Variants in ST8SIA2 observed in about 807,000 individuals in gnomAD.
The protein encoded by ST8SIA2 is ST8 alpha-N-acetyl-neuraminide alpha-2,8-sialyltransferase 2.
ST8SIA2 carries 22 observed loss-of-function variants against 37.6 expected under a neutral mutation model. The ratio of observed to expected loss-of-function variants is 0.58; its 90% CI spans 0.42 to 0.83. ST8SIA2 has a LOEUF of 0.83. Among genes scored for constraint, ST8SIA2 ranks in the 40% least tolerant of loss-of-function variants. The pLI is 0.00. For synonymous variants in ST8SIA2, 205 were observed against 201.2 expected (o/e 1.02, Z -0.16); for missense variants, 382 against 484.7 (o/e 0.79, Z 1.99).
chr15:92,417,059 A>G (rs2049592388), intron 1 of ST8SIA2, among the ~76,000 whole-genome samples: 1 of 152,204 alleles, frequency 6.6e-6, no homozygotes. Context: ...AGTAGCCATC[A>G]CCTTCAACAA....
intron 1 of ST8SIA2, among the ~76,000 whole-genome samples, chr15:92,399,346 A>G (rs1212624063): frequency 1.3e-5 from 2 of 152,206 alleles, no homozygotes; most frequent in Non-Finnish European, 2.9e-5. Context: ...CCAGTACACC[A>G]CGGCCAGGGG....
chr15:92,418,234 A>G (rs1222516011), intron 1 of ST8SIA2, among the ~76,000 whole-genome samples: 1 of 151,910 alleles, frequency 6.6e-6, no homozygotes, highest in Non-Finnish European at 1.5e-5. Context: ...CCAGAAGATC[A>G]CTTGAGCCCA....
Position 92,464,360 on chromosome 15 carries a change from T to C in ST8SIA2, c.1103T>C (p.Val368Ala), listed in dbSNP as rs2049978195. Reference sequence around the variant, plus strand: ...GAGCAGGGGGCTTTGAAACTGACTGTCGGCCAGTGCGATGGGGCCACGTAG... The same window carrying C: ...GAGCAGGGGGCTTTGAAACTGACTGCCGGCCAGTGCGATGGGGCCACGTAG... ...LHEQGALKLT[V>A]GQCDGAT The change falls in exon 6 of 6, where the codon GTC (valine) becomes GCC (alanine). Residue 368 changes from valine to alanine, a missense_variant. By Grantham distance (64) the Val-to-Ala change is moderately conservative. Coordinates refer to ENST00000268164, the MANE Select transcript of ST8SIA2 (RefSeq NM_006011.4). 6.2e-7 allele frequency: 1 copy of C among 1,613,750 alleles called. No individual in the cohort carries two copies.
chr15:92,454,796 G>C (rs1340043006), intron 5 of ST8SIA2, among the ~76,000 whole-genome samples: 1 of 152,104 alleles, frequency 6.6e-6, no homozygotes, highest in Non-Finnish European at 1.5e-5. Context: ...TGGCTAGGAA[G>C]GTGAGCAATG....
chr15:92,463,082 G>A (rs2049968324), intron 5 of ST8SIA2, among the ~76,000 whole-genome samples: 1 of 152,158 alleles, frequency 6.6e-6, no homozygotes, highest in Non-Finnish European at 1.5e-5. Flanking sequence ...TTGCTCAAAG[G>A]CACACAGATA....
At chr15:92,452,947 G>A (rs945922249) in intron 5 of ST8SIA2, among the ~76,000 whole-genome samples, 3 of 152,126 alleles carry the variant, frequency 2.0e-5, no homozygotes, top group Non-Finnish European at 4.4e-5. Flanking sequence ...GGGTTAGATG[G>A]CCTCCCTTCC....
At chr15:92,449,358 A>C (rs911361009) in intron 5 of ST8SIA2, among the ~76,000 whole-genome samples, 2 of 152,244 alleles carry the variant, frequency 1.3e-5, no homozygotes, top group African/African-American at 2.4e-5. Context: ...CCATGCGTCC[A>C]TGATGTATTC....
intron 1 of ST8SIA2, among the ~76,000 whole-genome samples, chr15:92,418,751 T>C (rs773201530): frequency 4.5e-4 from 69 of 152,274 alleles, no homozygotes; most frequent in Admixed American, 9.8e-4. Context: ...AAAGTAATGC[T>C]GAACAAAATC....
At chr15:92,453,708 G>T (rs2049899466) in intron 5 of ST8SIA2, among the ~76,000 whole-genome samples, 1 of 152,210 alleles carries the variant, frequency 6.6e-6, no homozygotes, top group Non-Finnish European at 1.5e-5. Context: ...GAGAAATTTG[G>T]AAGCTGAGAG....
chr15:92,411,751 G>A (rs1008976763), intron 1 of ST8SIA2, among the ~76,000 whole-genome samples: 5 of 152,184 alleles, frequency 3.3e-5, no homozygotes, highest in South Asian at 2.1e-4. Context: ...GGACCAATTC[G>A]TAAGAGAATA....
intron 1 of ST8SIA2, among the ~76,000 whole-genome samples, chr15:92,426,427 A>G (rs1000705354): frequency 6.6e-6 from 1 of 152,200 alleles, no homozygotes; most frequent in African/African-American, 2.4e-5. Flanking sequence ...CGGCAAAGAA[A>G]TATCTCCACC....
intron 1 of ST8SIA2, among the ~76,000 whole-genome samples, chr15:92,419,490 A>T (rs1306746300): frequency 6.6e-6 from 1 of 152,188 alleles, no homozygotes; most frequent in African/African-American, 2.4e-5. Context: ...CAACGCAGAG[A>T]TGAGCAGGAC....
At chr15:92,420,380 G>A (rs1220357515) in intron 1 of ST8SIA2, among the ~76,000 whole-genome samples, 1 of 152,190 alleles carries the variant, frequency 6.6e-6, no homozygotes, top group Non-Finnish European at 1.5e-5. Flanking sequence ...AGTGAGAAAT[G>A]CTTGGCATCC....
chr15:92,455,372 T>TC (rs989746243), intron 5 of ST8SIA2, among the ~76,000 whole-genome samples: 1 of 152,208 alleles, frequency 6.6e-6, no homozygotes, highest in African/African-American at 2.4e-5. Flanking sequence ...TCCAATTTTT[T>TC]TTTTAAATAG....
At chr15:92,440,668 C>G (rs1453354986) in intron 4 of ST8SIA2, among the ~76,000 whole-genome samples, 2 of 152,152 alleles carry the variant, frequency 1.3e-5, no homozygotes, top group Admixed American at 1.3e-4. Context: ...TACAGACTTA[C>G]GTTTGACATC....
At chr15:92,421,365 G>A (rs1455053570) in intron 1 of ST8SIA2, 1 of 152,208 alleles carries the variant, frequency 6.6e-6, no homozygotes, top group Non-Finnish European at 1.5e-5. Context: ...GCAGGAATTA[G>A]CAAATATTGG....
At chr15:92,457,189 C>T (rs1020464786) in intron 5 of ST8SIA2, among the ~76,000 whole-genome samples, 10 of 152,330 alleles carry the variant, frequency 6.6e-5, no homozygotes, top group African/African-American at 2.4e-4. Context: ...CTGAGTCTCC[C>T]TTGATGACCA....
At chr15:92,436,825 C>A (rs1365941110) in intron 3 of ST8SIA2, among the ~76,000 whole-genome samples, 1 of 152,162 alleles carries the variant, frequency 6.6e-6, no homozygotes, top group East Asian at 1.9e-4. Context: ...ACGCGCCGAG[C>A]TTACCAAGTG....
intron 1 of ST8SIA2, among the ~76,000 whole-genome samples, chr15:92,425,058 G>A (rs2049665612): frequency 6.6e-6 from 1 of 152,072 alleles, no homozygotes; most frequent in African/African-American, 2.4e-5. Flanking sequence ...GATGATCTAA[G>A]CATCTCTGTT....
Sources: allele counts gnomAD v4.1 joint callset (sites outside exome capture counted in the v4.1 genomes callset), GRCh38; gene constraint gnomAD v4.1.1; transcripts MANE v1.5; gene names NCBI Gene and HGNC (gene_info 2026-07-23, HGNC 2026-07-21).